Variants in DMD observed in about 807,000 individuals in gnomAD.
DMD encodes the protein dystrophin, also known as mutant dystrophin.
In DMD, 63 loss-of-function variants were observed where a neutral mutation model predicts 330.1. The observed-to-expected ratio is 0.19, with a 90% CI of 0.16 to 0.24. The LOEUF is 0.24. Among genes scored for constraint, DMD ranks in the 10% least tolerant of loss-of-function variants. DMD has a pLI of 1.00. For missense variants in DMD, 3,344 were observed against 2,684.1 expected (o/e 1.25, Z -5.43); for synonymous variants, 1,223 against 959.8 (o/e 1.27, Z -5.07).
At chrX:31,184,333 G>C (rs2041505844) in intron 67 of DMD, among the ~76,000 whole-genome samples, 1 of 111,887 alleles carries the variant, frequency 8.9e-6, no homozygotes, top group African/African-American at 3.3e-5. Context: ...AAAGATGACT[G>C]TTGCTCCTTT....
intron 55 of DMD, among the ~76,000 whole-genome samples, chrX:31,621,191 G>A (rs1414275223): frequency 9.0e-6 from 1 of 111,574 alleles, no homozygotes; most frequent in Admixed American, 9.5e-5. Flanking sequence ...GTGGTAAGCA[G>A]GCACTGATTT....
At chrX:32,385,489 A>AG (rs1557319559) in intron 33 of DMD, among the ~76,000 whole-genome samples, 1 of 110,370 alleles carries the variant, frequency 9.1e-6, no homozygotes, top group Non-Finnish European at 1.9e-5. Flanking sequence ...CTGGGCAAAC[A>AG]TTTTTTTTGG....
chrX:31,685,736 A>C (rs2082648929), intron 52 of DMD, among the ~76,000 whole-genome samples: 1 of 112,158 alleles, frequency 8.9e-6, no homozygotes, highest in Non-Finnish European at 1.9e-5. Flanking sequence ...TCAGCTTGCT[A>C]GGTGCGCTGG....
chrX:32,291,425 C>T (rs753317007), intron 42 of DMD, among the ~76,000 whole-genome samples: 2 of 111,314 alleles, frequency 1.8e-5, no homozygotes, highest in Admixed American at 9.6e-5. Flanking sequence ...GAACTTTTTT[C>T]GGAAAGTACA....
chrX:32,400,380 T>C (rs1465531144), intron 30 of DMD, among the ~76,000 whole-genome samples: 1 of 111,561 alleles, frequency 9.0e-6, no homozygotes, highest in Non-Finnish European at 1.9e-5. Flanking sequence ...TTGAGGATTT[T>C]TTCATCAATG....
chrX:32,368,716 G>A (rs1569560009), intron 34 of DMD, among the ~76,000 whole-genome samples: 1 of 111,335 alleles, frequency 9.0e-6, no homozygotes, highest in Admixed American at 9.6e-5. Flanking sequence ...GAAAGAAACA[G>A]CTGAAAAGAT....
intron 48 of DMD, among the ~76,000 whole-genome samples, chrX:31,845,615 G>A (rs760746824): frequency 9.0e-6 from 1 of 110,626 alleles, no homozygotes. Context: ...TTAGAGGTCC[G>A]AGTACTTATT....
chrX:31,552,458 C>A (rs1387402735), intron 55 of DMD, among the ~76,000 whole-genome samples: 1 of 111,925 alleles, frequency 8.9e-6, no homozygotes, highest in Admixed American at 9.5e-5. Context: ...CAAGTGTGAG[C>A]CACCACACAT....
chrX:32,147,979 G>C (rs1170274657), intron 44 of DMD, among the ~76,000 whole-genome samples: 1 of 105,087 alleles, frequency 9.5e-6, no homozygotes. Flanking sequence ...CCGGGTTCAC[G>C]CCATTCTCCT....
intron 17 of DMD, among the ~76,000 whole-genome samples, chrX:32,526,552 T>A (rs1603635521): frequency 9.0e-6 from 1 of 111,432 alleles, no homozygotes; most frequent in East Asian, 2.8e-4. Flanking sequence ...AGAGTGACAA[T>A]TTTTCTCAGT....
At chrX:32,210,960 C>G (rs925121449) in intron 44 of DMD, among the ~76,000 whole-genome samples, 6 of 112,017 alleles carry the variant, frequency 5.4e-5, no homozygotes, top group African/African-American at 1.9e-4. Context: ...AATCTAAACT[C>G]TTCAGAATTG....
At chrX:31,918,605 A>G (rs1416201262) in intron 47 of DMD, among the ~76,000 whole-genome samples, 1 of 107,405 alleles carries the variant, frequency 9.3e-6, no homozygotes, top group Non-Finnish European at 1.9e-5. Flanking sequence ...AAAGACTTGA[A>G]CATGTTAATG....
chrX:31,245,570 G>A (rs748236334), intron 63 of DMD, among the ~76,000 whole-genome samples: 19 of 112,078 alleles, frequency 1.7e-4, no homozygotes, highest in African/African-American at 5.5e-4. Context: ...GCAATCCTGT[G>A]TTGAGCATGT....
intron 41 of DMD, among the ~76,000 whole-genome samples, chrX:32,320,445 A>G (rs183366789): frequency 8.9e-6 from 1 of 111,861 alleles, no homozygotes; most frequent in African/African-American, 3.2e-5. Flanking sequence ...AACTTAGTAC[A>G]TCTGTTTTTA....
chrX:32,347,450 C>G (rs1362655541), intron 38 of DMD, among the ~76,000 whole-genome samples: 1 of 111,287 alleles, frequency 9.0e-6, no homozygotes, highest in Non-Finnish European at 1.9e-5. Context: ...TGTAACTCAG[C>G]AACTTGGAAA....
chrX:31,448,236 T>G (rs896745302), intron 59 of DMD, among the ~76,000 whole-genome samples: 1 of 110,167 alleles, frequency 9.1e-6, no homozygotes, highest in Admixed American at 9.7e-5. Flanking sequence ...ACTCAACGCA[T>G]GAAGGTGGAA....
intron 60 of DMD, among the ~76,000 whole-genome samples, chrX:31,416,994 C>A (rs2061903304): frequency 8.9e-6 from 1 of 112,406 alleles, no homozygotes; most frequent in African/African-American, 3.2e-5. Context: ...GCTTTAAATA[C>A]TCTGCTTTCA....
intron 2 of DMD, among the ~76,000 whole-genome samples, chrX:32,878,235 G>A (rs775547162): frequency 1.2e-4 from 13 of 111,003 alleles, no homozygotes; most frequent in African/African-American, 1.6e-4. Flanking sequence ...AAAATTAGCC[G>A]GGTGTAGTGG....
At chrX:32,225,874 T>G (rs772300502) in intron 43 of DMD, among the ~76,000 whole-genome samples, 1 of 111,423 alleles carries the variant, frequency 9.0e-6, no homozygotes, top group Non-Finnish European at 1.9e-5. Flanking sequence ...CAATTAAACC[T>G]CTTTACTTTA....
Sources: gnomAD v4.1 joint callset for allele counts (sites outside exome capture counted in the v4.1 genomes callset) on GRCh38, gnomAD v4.1.1 for gene constraint, MANE v1.5 for transcripts, NCBI Gene and HGNC (gene_info 2026-07-23, HGNC 2026-07-21) for gene names.